The following POLD2 variants were observed in gnomAD, a reference collection of about 807,000 sequenced individuals.
POLD2 encodes the protein DNA polymerase delta subunit 2.
A neutral mutation model predicts 48.8 loss-of-function variants in POLD2; 31 were observed. That is an observed-to-expected ratio of 0.64 (90% CI 0.48 to 0.86). The LOEUF (loss-of-function observed/expected upper bound fraction) is 0.86. Among genes scored for constraint, POLD2 ranks in the 40% least tolerant of loss-of-function variants. The pLI, the probability that POLD2 is intolerant of heterozygous loss-of-function variation, is 0.00. For missense variants in POLD2, 455 were observed against 610.1 expected (o/e 0.75, Z 2.68); for synonymous variants, 233 against 256.3 (o/e 0.91, Z 0.87).
At position 44,121,803 on chromosome 7, in the gene POLD2, G is replaced by C. The variant is rs751180921; in HGVS notation, c.220+31C>G. On this transcript the variant is annotated intron_variant, in intron 2 of 10. Transcript: ENST00000610533. This position sits in a 1 kb window ranked among gnomAD's most constrained non-coding sequence, Gnocchi z 4.5. Reference sequence around the variant, plus strand: ...ACACTTCTAAGTTCAGGGATGCTGTGGGGGAAGCACCTTCCCAAACTCTCA... The same window carrying C: ...ACACTTCTAAGTTCAGGGATGCTGTCGGGGAAGCACCTTCCCAAACTCTCA... 88 of 1,593,656 alleles carry C rather than the reference G, an allele frequency of 5.5e-5. No individual in the cohort carries two copies. Among genetic ancestry groups the C allele is most frequent in the Non-Finnish European group, 7.5e-5 (88 of 1,166,786 alleles).
At position 44,116,930 on chromosome 7, in the gene POLD2, T is replaced by A; in HGVS notation, c.667A>T (p.Thr223Ser). The part of the protein sequence containing the change: ...LGTQLLVDVV[T>S]GQLGDEGEQC... Reference sequence around the variant, plus strand: ...TCCCCTTCGTCCCCAAGCTGCCCCGTCACCACATCCACCAGCAGCTGGGTG... The same window carrying A: ...TCCCCTTCGTCCCCAAGCTGCCCCGACACCACATCCACCAGCAGCTGGGTG... Residue 223 changes from threonine (T) to serine (S), a missense_variant, in exon 6 of 11, where the codon ACG becomes TCG. Physicochemically the swap from Thr to Ser is moderately conservative, Grantham distance 58 (BLOSUM62 1). Coordinates refer to ENST00000610533, the MANE Select transcript of POLD2 (RefSeq NM_006230.4). This position sits in a 1 kb window ranked among gnomAD's most constrained non-coding sequence, Gnocchi z 6.1. 2 of 1,613,848 alleles carry A rather than the reference T, an allele frequency of 1.2e-6. No homozygotes were observed. Among genetic ancestry groups the A allele is most frequent in the South Asian group, 2.2e-5 (2 of 91,070 alleles).
chr7:44,118,190 T>A, intron 2 of POLD2, 126 bp from the exon 3 acceptor site: 3 of 1,130,582 alleles, frequency 2.7e-6, no homozygotes, highest in Non-Finnish European at 3.7e-6. Flanking sequence ...GGAGAGAACA[T>A]CAAGTACAAG....
At chr7:44,120,571 T>C (rs1246618773) in intron 2 of POLD2, among the ~76,000 whole-genome samples, 3 of 152,236 alleles carry the variant, frequency 2.0e-5, no homozygotes, top group Non-Finnish European at 4.4e-5. Flanking sequence ...TCTGGAATTA[T>C]AATCCACACG....
intron 8 of POLD2, 96 bp from the exon 9 acceptor site, chr7:44,115,989 AGAAG>A (rs1583561136): frequency 1.9e-6 from 3 of 1,599,512 alleles, no homozygotes; most frequent in Non-Finnish European, 2.6e-6. Context: ...TGCCCCAGAG[AGAAG>A]GAACAGATGC....
rs965227294 is a variant in POLD2 at position 44,115,341 on chromosome 7, G to C, written c.1203C>G (p.Val401=). ...DPFIFPECPH[V]YFCGNTPSFG... ...AGCTGGGGGTGTTGCCACAAAAGTA[G>C]ACATGCGGGCACTCTGGGAAGATGA... is the stretch of plus-strand genomic sequence containing the variant. The change falls in exon 10 of 11, where the codon GTC becomes GTG. Residue 401 remains valine, a synonymous_variant. Coordinates refer to ENST00000610533, the MANE Select transcript of POLD2 (RefSeq NM_006230.4). The C allele has an allele frequency of 4.3e-6, 7 of 1,614,116 alleles. No homozygotes were observed. Among genetic ancestry groups the C allele is most frequent in the Non-Finnish European group, 5.9e-6 (7 of 1,179,920 alleles).
chr7:44,116,717 C>T lies in POLD2; in HGVS notation c.780+100G>A, dbSNP rs896523592. Reference sequence around the variant, plus strand: ...CTGCAGGGCGCTTCCCACCGACCTGCGAGACCTCACAGGGTACCCTACTCG... The same window carrying T: ...CTGCAGGGCGCTTCCCACCGACCTGTGAGACCTCACAGGGTACCCTACTCG... On this transcript the variant is annotated intron_variant, in intron 6 of 10. Coordinates refer to ENST00000610533, the MANE Select transcript of POLD2 (RefSeq NM_006230.4). This position sits in a 1 kb window ranked among gnomAD's most constrained non-coding sequence, Gnocchi z 6.1. 38 of 1,335,124 alleles carry T rather than the reference C, an allele frequency of 2.8e-5. No homozygotes were observed. The highest frequency in any genetic ancestry group is 1.0e-4 in the African/African-American group (7 of 69,268). The allele number at this position is 1,335,124 out of a possible 1,614,324, so 82.7% of individuals were successfully genotyped here.
At chr7:44,118,801 G>A (rs2096244446) in intron 2 of POLD2, among the ~76,000 whole-genome samples, 1 of 152,026 alleles carries the variant, frequency 6.6e-6, no homozygotes, top group South Asian at 2.1e-4. Context: ...TTACAGTCGT[G>A]AGCCACCGTG....
chr7:44,118,887 G>A (rs1329894165), intron 2 of POLD2, among the ~76,000 whole-genome samples: 2 of 152,112 alleles, frequency 1.3e-5, no homozygotes, highest in East Asian at 3.8e-4. Context: ...CTAATACAAA[G>A]TACTGCTTCA....
In POLD2 at chr7:44,114,879, A is replaced by C. The variant is rs764357869; in HGVS notation, c.1316T>G (p.Leu439Arg). Residue 439 changes from leucine to arginine, a missense_variant, in exon 11 of 11, where the codon CTT becomes CGT. Physicochemically the swap from Leu to Arg is moderately radical, Grantham distance 102 (BLOSUM62 -2). Coordinates refer to ENST00000610533, the MANE Select transcript of POLD2 (RefSeq NM_006230.4). The stretch of plus-strand genomic sequence containing the variant: ...GCAGGCCAGGCTGCGCAGGTTCACA[A>C]GGCAGGCGGTCTGCGTGGCACTGAA... ...PDFSATQTAC[L>R]VNLRSLACQP... 3 of 1,613,872 alleles carry C rather than the reference A, an allele frequency of 1.9e-6. No individual in the cohort carries two copies. Among genetic ancestry groups the C allele is most frequent in the Non-Finnish European group, 2.5e-6 (3 of 1,179,874 alleles).
At chr7:44,115,244 G>T in intron 10 of POLD2, 51 bp downstream of exon 10, 1 of 1,208,146 alleles carries the variant, frequency 8.3e-7, no homozygotes, top group Non-Finnish European at 1.2e-6. Context: ...CTTGTCCCCA[G>T]GTGAGAGCAA....
chr7:44,118,101 G>GC (rs746513804), intron 2 of POLD2, 37 bp from the exon 3 acceptor site: 30 of 1,607,908 alleles, frequency 1.9e-5, no homozygotes, highest in Admixed American at 5.0e-5. Flanking sequence ...AGATGAAGTA[G>GC]CCCCCCCGCC....
intron 1 of POLD2, 46 bp downstream of exon 1, chr7:44,123,465 G>T: frequency 1.3e-6 from 2 of 1,495,866 alleles, no homozygotes; most frequent in Non-Finnish European, 1.8e-6. Flanking sequence ...CTCGCGGCCT[G>T]GAACTGCCAC....
At chr7:44,117,827 C>T (rs2096242638) in intron 3 of POLD2, 85 bp from the exon 4 acceptor site, 3 of 1,600,310 alleles carry the variant, frequency 1.9e-6, no homozygotes, top group Admixed American at 3.4e-5. Flanking sequence ...GCAGCCCCCA[C>T]CCCTCTGGAG....
Position 44,122,095 on chromosome 7 carries a change from G to A in POLD2, c.-42C>T. The A allele has an allele frequency of 6.3e-7, 1 of 1,598,178 alleles. No homozygotes were observed. The highest frequency in any genetic ancestry group is 8.5e-7 in the Non-Finnish European group (1 of 1,169,858). ...TGCTTGGTCCACACAGCTTCGCCCAGGCCAAGGAGGTTCACTGCGAAAACA... is the reference window on the plus strand; with the variant it reads ...TGCTTGGTCCACACAGCTTCGCCCAAGCCAAGGAGGTTCACTGCGAAAACA... On this transcript the variant is annotated 5_prime_UTR_variant, in exon 2 of 11. Coordinates refer to ENST00000610533, the MANE Select transcript of POLD2 (RefSeq NM_006230.4).
Position 44,123,493 on chromosome 7 carries a change from T to G in POLD2, c.-57+18A>C. On this transcript the variant is annotated intron_variant, in intron 1 of 10. Transcript: ENST00000610533. ...ACTGCCACCCCCAGCTGACCCCGTT[T>G]CCCTGGACCCCACTCACCGCGCGGC... The G allele has an allele frequency of 6.7e-7, 1 of 1,493,468 alleles. No individual in the cohort carries two copies. Among genetic ancestry groups the G allele is most frequent in the Non-Finnish European group, 8.9e-7 (1 of 1,129,278 alleles). The allele number at this position is 1,493,468 out of a possible 1,614,324, so 92.5% of individuals were successfully genotyped here.
upstream of POLD2, chr7:44,123,745 CGCAG>C: frequency 7.6e-7 from 1 of 1,319,378 alleles, no homozygotes; most frequent in Non-Finnish European, 9.7e-7. Flanking sequence ...GGCGGGGGCT[CGCAG>C]GCCGGCGCCG....
In POLD2 at chr7:44,117,148, G is replaced by A; in HGVS notation, c.566C>T (p.Pro189Leu). 1 of 1,613,722 alleles carries A rather than the reference G, an allele frequency of 6.2e-7. No individual in the cohort carries two copies. The highest frequency in any genetic ancestry group is 1.1e-5 in the South Asian group (1 of 91,062). Residue 189 changes from proline to leucine, a missense_variant, in exon 5 of 11, where the codon CCA (proline) becomes CTA (leucine). Transcript: ENST00000610533. ...TGCTGCTCACCTATCTGTGTCAAGT[G>A]GGGGTGCGGGCTTCTGGGGAGCAAG... ...ADLAPQKPAP[P>L]LDTDRFVLLV...
At chr7:44,122,148 T>A (rs1481404896) in intron 1 of POLD2, 39 bp from the exon 2 acceptor site, 1 of 1,511,180 alleles carries the variant, frequency 6.6e-7, no homozygotes, top group East Asian at 2.4e-5. Context: ...CCCCTGTCCA[T>A]CCCCCAAAGC....
At chr7:44,115,525 C>T in intron 9 of POLD2, 129 bp from the exon 10 acceptor site, 2 of 746,990 alleles carry the variant, frequency 2.7e-6, no homozygotes, top group South Asian at 3.4e-5. Context: ...ATAGGGGCAC[C>T]TCCAGACATT....
Sources: gnomAD v4.1 joint callset for allele counts (sites outside exome capture counted in the v4.1 genomes callset) on GRCh38, gnomAD v4.1.1 for gene constraint, Gnocchi (gnomAD v3.1) non-coding constraint, MANE v1.5 for transcripts, NCBI Gene and HGNC (gene_info 2026-07-23, HGNC 2026-07-21) for gene names.